The following FGF12 variants were observed in gnomAD, a reference collection of about 807,000 sequenced individuals.
FGF12 encodes the protein fibroblast growth factor 12, also known as fibroblast growth factor 12B.
Under a neutral mutation model 23.6 loss-of-function variants are expected in FGF12, and 14 were observed. The observed-to-expected ratio is 0.59, with a 90% CI of 0.39 to 0.93. FGF12 has a LOEUF of 0.93. Among genes scored for constraint, FGF12 ranks in the 40% least tolerant of loss-of-function variants. FGF12 has a pLI of 0.00. For synonymous variants in FGF12, 62 were observed against 77.3 expected, an observed-to-expected ratio of 0.80 and a Z score of 1.04; for missense variants, 175 against 217.8, an observed-to-expected ratio of 0.80 and a Z score of 1.24.
chr3:192,395,372 C>A lies in FGF12; in HGVS notation c.14-34834G>T, dbSNP rs142863592. Among the ~76,000 whole-genome samples, 1,021 of 152,278 alleles carry A rather than the reference C, an allele frequency of 6.7e-3. 10 individuals are homozygous for A. Among genetic ancestry groups the A allele is most frequent in the Non-Finnish European group, 0.012 (810 of 68,008 alleles). On this transcript the variant is annotated intron_variant, in intron 2 of 5. Transcript: ENST00000445105. ...GTTCTAAGTATTTATCAAACAACTA[C>A]ATATCAAATTAAACTGGAGTAACAA...
chr3:192,691,716 G>T (rs1266029572), intron 2 of FGF12, among the ~76,000 whole-genome samples: 1 of 151,450 alleles, frequency 6.6e-6, no homozygotes, highest in Non-Finnish European at 1.5e-5. Context: ...ATAGAAACTA[G>T]AACTATTTAA....
At chr3:192,194,383 G>C (rs2108652266) in intron 4 of FGF12, among the ~76,000 whole-genome samples, 1 of 152,264 alleles carries the variant, frequency 6.6e-6, no homozygotes, top group Middle Eastern at 3.4e-3. Context: ...GGCTGAGTGA[G>C]AGCTATGAAA....
At chr3:192,243,903 C>G (rs1413682486) in intron 4 of FGF12, among the ~76,000 whole-genome samples, 1 of 151,896 alleles carries the variant, frequency 6.6e-6, no homozygotes, top group East Asian at 1.9e-4. Flanking sequence ...CAAATAAGAA[C>G]AAAAGCAAGG....
chr3:192,698,940 TC>T (rs145676816), intron 2 of FGF12, among the ~76,000 whole-genome samples: 6,169 of 152,206 alleles, frequency 0.041, 432 homozygotes, highest in African/African-American at 0.14. Flanking sequence ...TCAGTATTAG[TC>T]CCCTTTGACC....
At chr3:192,465,709 G>C (rs746491245) in intron 2 of FGF12, among the ~76,000 whole-genome samples, 1 of 152,048 alleles carries the variant, frequency 6.6e-6, no homozygotes, top group Admixed American at 6.6e-5. Flanking sequence ...CGCCCTCCCC[G>C]ACCCCCACTC....
Position 192,408,825 on chromosome 3 carries a change from T to A in FGF12, c.14-48287A>T. On this transcript the variant is annotated intron_variant, in intron 2 of 5. Coordinates refer to ENST00000445105, the MANE Select transcript of FGF12 (RefSeq NM_004113.6). This position sits in a 1 kb window ranked among gnomAD's most constrained non-coding sequence, Gnocchi z 7.3. ...GAGAGAAGGAGAGGAAGGCAGCAAT[T>A]TAACTCCCTGCGGCCCGCGGTTCTG... 1.0e-6 allele frequency: 1 copy of A among 985,498 alleles called. No individual in the cohort carries two copies. Among genetic ancestry groups the A allele is most frequent in the South Asian group, 4.7e-5 (1 of 21,272 alleles). The allele number at this position is 985,498 out of a possible 1,614,324, so 61.0% of individuals were successfully genotyped here.
chr3:192,361,318 T>C (rs1718716129), intron 2 of FGF12, among the ~76,000 whole-genome samples: 1 of 152,152 alleles, frequency 6.6e-6, no homozygotes, highest in Non-Finnish European at 1.5e-5. Context: ...CATCAGCTAA[T>C]ATAAATATTT....
At chr3:192,680,817 T>A (rs1032590743) in intron 2 of FGF12, among the ~76,000 whole-genome samples, 1 of 152,190 alleles carries the variant, frequency 6.6e-6, no homozygotes, top group African/African-American at 2.4e-5. Flanking sequence ...GCACTTACTA[T>A]TTGCCAGGTC....
chr3:192,324,563 C>T (rs1716719175), intron 4 of FGF12, among the ~76,000 whole-genome samples: 1 of 152,110 alleles, frequency 6.6e-6, no homozygotes, highest in African/African-American at 2.4e-5. Context: ...TCATTATTAC[C>T]CCTGTTTTAC....
intron 4 of FGF12, among the ~76,000 whole-genome samples, chr3:192,229,106 T>C (rs572993330): frequency 3.8e-4 from 58 of 151,952 alleles, no homozygotes; most frequent in African/African-American, 1.4e-3. Context: ...ACCTAAGTTG[T>C]CTAACTTCTG....
At chr3:192,564,157 G>A (rs1172633806) in intron 2 of FGF12, among the ~76,000 whole-genome samples, 1 of 152,098 alleles carries the variant, frequency 6.6e-6, no homozygotes, top group African/African-American at 2.4e-5. Flanking sequence ...TCCGCCTCTT[G>A]GGTTCAAGTG....
intron 4 of FGF12, among the ~76,000 whole-genome samples, chr3:192,181,148 A>G (rs1716146627): frequency 1.3e-5 from 2 of 152,138 alleles, no homozygotes; most frequent in Admixed American, 1.3e-4. Context: ...TTGAGAGCTG[A>G]ATGGAGATGG....
rs566639448 is a variant in FGF12, at chr3:192,149,156, C to T, written c.428-5029G>A. Among the ~76,000 whole-genome samples, 25 of 152,092 alleles carry T rather than the reference C, an allele frequency of 1.6e-4. No homozygotes were observed. In the South Asian group the frequency reaches 2.7e-3, roughly 16 times the overall value. Reference sequence around the variant, plus strand: ...AGCAAATGAAGAGTTAACGTCCATCCGACATGAGTGTATAAAGAAAAATCT... The same window carrying T: ...AGCAAATGAAGAGTTAACGTCCATCTGACATGAGTGTATAAAGAAAAATCT... On this transcript the variant is annotated intron_variant, in intron 5 of 5. Transcript: ENST00000445105.
intron 2 of FGF12, among the ~76,000 whole-genome samples, chr3:192,406,717 A>G (rs1245539420): frequency 6.6e-6 from 1 of 152,196 alleles, no homozygotes; most frequent in Non-Finnish European, 1.5e-5. Flanking sequence ...GGAGTGGACA[A>G]TGTCATGAAA....
At chr3:192,636,442 C>T (rs933431543) in intron 2 of FGF12, among the ~76,000 whole-genome samples, 1 of 152,182 alleles carries the variant, frequency 6.6e-6, no homozygotes, top group Non-Finnish European at 1.5e-5. Flanking sequence ...TTTCAACAAC[C>T]ACTATAAACT....
At chr3:192,158,401 CTTTT>C (rs752815318) in intron 5 of FGF12, among the ~76,000 whole-genome samples, 2,684 of 41,472 alleles carry the variant, frequency 0.065, 144 homozygotes, top group African/African-American at 0.3. Flanking sequence ...CTCTCTCTTT[CTTTT>C]TCTTTCTTTC....
chr3:192,227,100 T>C (rs967609312), intron 4 of FGF12, among the ~76,000 whole-genome samples: 1 of 152,018 alleles, frequency 6.6e-6, no homozygotes. Context: ...CTGTGACAAA[T>C]AAATTTCTGT....
At chr3:192,690,282 G>T (rs935477490) in intron 2 of FGF12, among the ~76,000 whole-genome samples, 1 of 151,954 alleles carries the variant, frequency 6.6e-6, no homozygotes, top group African/African-American at 2.4e-5. Flanking sequence ...ATGGTTGTGT[G>T]TAAGTTGCTT....
chr3:192,268,991 A>T (rs1713255727), intron 4 of FGF12, among the ~76,000 whole-genome samples: 1 of 151,970 alleles, frequency 6.6e-6, no homozygotes, highest in South Asian at 2.1e-4. Flanking sequence ...CCTGGCTCAC[A>T]GCAGCCTCCG....
Sources: allele counts gnomAD v4.1 joint callset (sites outside exome capture counted in the v4.1 genomes callset), GRCh38; gene constraint gnomAD v4.1.1; non-coding constraint Gnocchi (gnomAD v3.1); transcripts MANE v1.5; gene names NCBI Gene and HGNC (gene_info 2026-07-23, HGNC 2026-07-21).